PKIA: variants seen among roughly 807,000 people sequenced by gnomAD.
PKIA encodes the protein PKI-alpha.
Under a neutral mutation model 7.6 loss-of-function variants are expected in PKIA, and 4 were observed. The ratio of observed to expected loss-of-function variants is 0.52; its 90% CI spans 0.26 to 1.20. The LOEUF is 1.20. PKIA is among the 50% of genes most tolerant of loss of function. PKIA has a pLI of 0.13. For missense variants in PKIA, 73 were observed against 86.2 expected, an observed-to-expected ratio of 0.85 and a Z score of 0.61; for synonymous variants, 21 against 30.7, an observed-to-expected ratio of 0.68 and a Z score of 1.04.
intron 1 of PKIA, among the ~76,000 whole-genome samples, chr8:78,559,070 C>T (rs193021975): frequency 3.9e-5 from 6 of 152,132 alleles, no homozygotes; most frequent in Admixed American, 2.6e-4. Flanking sequence ...AACAGGCATG[C>T]GCCACAACGC....
chr8:78,519,990 T>C (rs1809385953), intron 1 of PKIA, among the ~76,000 whole-genome samples: 1 of 152,200 alleles, frequency 6.6e-6, no homozygotes, highest in African/African-American at 2.4e-5. Flanking sequence ...TATTTTGGGT[T>C]ATCCTTTCAT....
At chr8:78,588,622 ATTAT>A (rs1460584922) in intron 2 of PKIA, among the ~76,000 whole-genome samples, 1 of 152,160 alleles carries the variant, frequency 6.6e-6, no homozygotes, top group Admixed American at 6.5e-5. Flanking sequence ...ATCTGTAGTG[ATTAT>A]TTAGTGTACA....
chr8:78,531,536 A>G (rs1806385374), intron 1 of PKIA, among the ~76,000 whole-genome samples: 1 of 152,110 alleles, frequency 6.6e-6, no homozygotes, highest in Admixed American at 6.6e-5. Flanking sequence ...AAACCAAATG[A>G]ATTTCTCCTA....
At chr8:78,599,654 G>A (rs1056722757) in intron 3 of PKIA, among the ~76,000 whole-genome samples, 5 of 151,974 alleles carry the variant, frequency 3.3e-5, no homozygotes, top group Non-Finnish European at 7.4e-5. Flanking sequence ...ATTGCTACCA[G>A]TAGTTACTTC....
At chr8:78,518,836 T>C (rs1809363041) in intron 1 of PKIA, among the ~76,000 whole-genome samples, 1 of 152,208 alleles carries the variant, frequency 6.6e-6, no homozygotes, top group African/African-American at 2.4e-5. Context: ...AATTTAATTT[T>C]CATTTTAGTA....
At chr8:78,557,530 T>C (rs905292420) in intron 1 of PKIA, among the ~76,000 whole-genome samples, 5 of 152,098 alleles carry the variant, frequency 3.3e-5, no homozygotes, top group Admixed American at 6.6e-5. Context: ...GGACATGAAG[T>C]GTAAAAGAAC....
At chr8:78,567,861 A>G (rs1807455258) in intron 1 of PKIA, among the ~76,000 whole-genome samples, 1 of 152,144 alleles carries the variant, frequency 6.6e-6, no homozygotes, top group Non-Finnish European at 1.5e-5. Context: ...AAATTGTTCC[A>G]TCTTAACCAT....
At chr8:78,520,351 T>C (rs935127709) in intron 1 of PKIA, among the ~76,000 whole-genome samples, 2 of 152,212 alleles carry the variant, frequency 1.3e-5, no homozygotes, top group African/African-American at 4.8e-5. Flanking sequence ...ATGGTGAGCA[T>C]AGCAAAACCA....
At position 78,553,716 on chromosome 8, in the gene PKIA, ACT is replaced by A. The variant is rs372006647; in HGVS notation, c.-156-19092_-156-19091del. 2.6e-4 allele frequency among the ~76,000 whole-genome samples: 37 copies of A among 141,554 alleles called. 1 individual carries two copies. The East Asian group carries it at 3.8e-3, about 14-fold the overall frequency. The allele number at this position is 141,554 out of a possible 152,430, so 92.9% of individuals were successfully genotyped here. On this transcript the variant is annotated intron_variant, in intron 1 of 3. Coordinates refer to ENST00000396418, the MANE Select transcript of PKIA (RefSeq NM_006823.4). ...ATGCCGCAGCTTTTTGTATCAAGCC[ACT>A]CTATTTTAAAACAACTGGATTTTTT...
chr8:78,584,525 A>C (rs1807902480), intron 2 of PKIA, among the ~76,000 whole-genome samples: 1 of 152,136 alleles, frequency 6.6e-6, no homozygotes, highest in Non-Finnish European at 1.5e-5. Context: ...CAATGATGAA[A>C]GCCTAGAAGA....
Position 78,531,899 on chromosome 8 carries a change from AAT to A in PKIA, c.-157+15433_-157+15434del, listed in dbSNP as rs1387364466. Reference sequence around the variant, plus strand: ...TAAGGACTTGTAAAGATTTCAATAGAATAGTCTTAAATGTTCACTAATGAAGT... The same window carrying A: ...TAAGGACTTGTAAAGATTTCAATAGAAGTCTTAAATGTTCACTAATGAAGT... On this transcript the variant is annotated intron_variant, in intron 1 of 3. Transcript: ENST00000396418. 3.3e-5 allele frequency among the ~76,000 whole-genome samples: 5 copies of A among 152,282 alleles called. 1 individual carries two copies. Among genetic ancestry groups the A allele is most frequent in the Admixed American group, 1.3e-4 (2 of 15,286 alleles).
rs1471146058 is a variant in PKIA, at chr8:78,551,025, AT to A, written c.-156-21785del. Among the ~76,000 whole-genome samples, 3 of 152,096 alleles carry A rather than the reference AT, an allele frequency of 2.0e-5. No homozygotes were observed. In the East Asian group the frequency reaches 5.8e-4, roughly 29 times the overall value. On this transcript the variant is annotated intron_variant, in intron 1 of 3. Transcript: ENST00000396418. ...CTCTTGACAAGAGACTATGAAGTTT[AT>A]GAGGGCAAGAATCTTGTGTGTTTGT...
intron 1 of PKIA, among the ~76,000 whole-genome samples, chr8:78,524,032 ACGTTT>A (rs1471848948): frequency 9.2e-6 from 1 of 108,670 alleles, no homozygotes; most frequent in South Asian, 2.5e-4. Flanking sequence ...GTTTATATAA[ACGTTT>A]ATATATATAA....
At chr8:78,570,168 G>A (rs762896012) in intron 1 of PKIA, among the ~76,000 whole-genome samples, 1 of 151,988 alleles carries the variant, frequency 6.6e-6, no homozygotes, top group Non-Finnish European at 1.5e-5. Context: ...AGACATAAAC[G>A]TACAGATTTA....
At chr8:78,529,646 T>A (rs1309204148) in intron 1 of PKIA, among the ~76,000 whole-genome samples, 1 of 152,016 alleles carries the variant, frequency 6.6e-6, no homozygotes, top group Non-Finnish European at 1.5e-5. Context: ...TTTGAATATA[T>A]TTAGATTATT....
At position 78,525,968 on chromosome 8, in the gene PKIA, C is replaced by T. The variant is rs532448208; in HGVS notation, c.-157+9500C>T. On this transcript the variant is annotated intron_variant, in intron 1 of 3. Coordinates refer to ENST00000396418, the MANE Select transcript of PKIA (RefSeq NM_006823.4). ...CTGATATTTAAAACAGGAAAATCAC[C>T]GAGTTGTGGTGAAGATGAAAGAAGA... Among the ~76,000 whole-genome samples the T allele has an allele frequency of 1.5e-3, 226 of 151,976 alleles. 1 individual carries two copies. The highest frequency in any genetic ancestry group is 5.0e-3 in the African/African-American group (209 of 41,494).
At position 78,523,475 on chromosome 8, in the gene PKIA, CA is replaced by C. The variant is rs750079389; in HGVS notation, c.-157+7008del. 1.2e-3 allele frequency among the ~76,000 whole-genome samples: 179 copies of C among 152,004 alleles called. 4 individuals carry two copies. Among genetic ancestry groups the C allele is most frequent in the Admixed American group, 2.2e-3 (33 of 15,238 alleles). Reference sequence around the variant, plus strand: ...TTATGAGACCAAAGGGTAGAAGCAGCAGTTTTTTGGTCATTGCAATAGTCAC... The same window carrying C: ...TTATGAGACCAAAGGGTAGAAGCAGCGTTTTTTGGTCATTGCAATAGTCAC... On this transcript the variant is annotated intron_variant, in intron 1 of 3. Transcript: ENST00000396418.
chr8:78,601,120 T>A (rs1054515669), intron 3 of PKIA, among the ~76,000 whole-genome samples: 10 of 151,948 alleles, frequency 6.6e-5, no homozygotes, highest in Admixed American at 5.3e-4. Context: ...GAGGGTGCAG[T>A]TATGAGGGTG....
intron 1 of PKIA, among the ~76,000 whole-genome samples, chr8:78,557,296 T>A (rs1807163518): frequency 6.6e-6 from 1 of 152,096 alleles, no homozygotes; most frequent in African/African-American, 2.4e-5. Flanking sequence ...CCACTGGTAG[T>A]TTTCCAGGGA....
Sources: gnomAD v4.1 joint callset for allele counts (sites outside exome capture counted in the v4.1 genomes callset) on GRCh38, gnomAD v4.1.1 for gene constraint, MANE v1.5 for transcripts, NCBI Gene and HGNC (gene_info 2026-07-23, HGNC 2026-07-21) for gene names.